Variants in ZC3HAV1L observed in about 807,000 individuals in gnomAD.
ZC3HAV1L encodes the protein zinc finger CCCH-type antiviral protein 1-like.
ZC3HAV1L carries 23 observed loss-of-function variants against 28.2 expected under a neutral mutation model. The ratio of observed to expected loss-of-function variants is 0.82; its 90% CI spans 0.59 to 1.16. The LOEUF is 1.16. Ranked by LOEUF, ZC3HAV1L falls within the 50% of genes most tolerant of loss-of-function variation. The pLI, the probability that ZC3HAV1L is intolerant of heterozygous loss-of-function variation, is 0.00. For missense variants in ZC3HAV1L, 376 were observed against 387.7 expected (o/e 0.97, Z 0.25); for synonymous variants, 180 against 163.4 (o/e 1.10, Z -0.78).
chr7:139,030,538 A>C (rs1264151209), intron 2 of ZC3HAV1L, among the ~76,000 whole-genome samples: 1 of 151,686 alleles, frequency 6.6e-6, no homozygotes, highest in African/African-American at 2.4e-5. Context: ...CCATTTCAAA[A>C]ATAAATAAGG....
At chr7:139,035,270 G>A in intron 1 of ZC3HAV1L, 12 of 985,436 alleles carry the variant, frequency 1.2e-5, no homozygotes, top group Non-Finnish European at 1.4e-5. Flanking sequence ...TCCGGCTAAA[G>A]GGTCCAGGGA....
Position 139,036,009 on chromosome 7 carries a change from C to A in ZC3HAV1L, c.9G>T (p.Glu3Asp), listed in dbSNP as rs755686766. The change falls in exon 1 of 5, where the codon GAG (glutamate) becomes GAT (aspartate). Residue 3 changes from glutamate (E) to aspartate (D), a missense_variant. Coordinates refer to ENST00000275766, the MANE Select transcript of ZC3HAV1L (RefSeq NM_080660.4). The stretch of plus-strand genomic sequence containing the variant: ...TGGTGAGGAAGGAGCACACTGTGGG[C>A]TCCGCCATGGTCGCTGGCGCGGGCC... MAEPTVCSFLTKV... is the reference protein window; with the variant it reads MADPTVCSFLTKV... 8 of 1,510,650 alleles carry A rather than the reference C, an allele frequency of 5.3e-6. No homozygotes were observed. Among genetic ancestry groups the A allele is most frequent in the African/African-American group, 1.4e-5 (1 of 69,182 alleles). 93.6% of individuals were successfully genotyped at this position (1,510,650 alleles called of 1,614,324 possible).
chr7:139,033,793 C>T (rs1207075688), intron 2 of ZC3HAV1L: 1 of 985,318 alleles, frequency 1.0e-6, no homozygotes, highest in Non-Finnish European at 1.2e-6. Context: ...CGGCACCACG[C>T]CTTCTCTCTG....
chr7:139,026,582 G>T, intron 4 of ZC3HAV1L, 22 bp from the exon 5 acceptor site: 1 of 1,611,184 alleles, frequency 6.2e-7, no homozygotes, highest in South Asian at 1.1e-5. Context: ...ATATTATTAT[G>T]ACCATTACAA....
At position 139,036,032 on chromosome 7, in the gene ZC3HAV1L, G is replaced by T. The variant is rs748538197; in HGVS notation, c.-15C>A. On this transcript the variant is annotated 5_prime_UTR_variant, in exon 1 of 5. Coordinates refer to ENST00000275766, the MANE Select transcript of ZC3HAV1L (RefSeq NM_080660.4). ...GGCTCCGCCATGGTCGCTGGCGCGG[G>T]CCCTGTGCGCGCGGCGCAGCGAGCC... The T allele has an allele frequency of 1.8e-4, 264 of 1,482,246 alleles. 1 individual carries two copies. The highest frequency in any genetic ancestry group is 4.4e-4 in the Middle Eastern group (2 of 4,514). 91.8% of individuals were successfully genotyped at this position (1,482,246 alleles called of 1,614,324 possible). A position where few individuals can be genotyped will look rare whatever the true frequency, so the allele number is the denominator to read the frequency against.
chr7:139,034,450 G>A (rs1025013347), intron 2 of ZC3HAV1L, 93 bp downstream of exon 2: 127 of 1,405,550 alleles, frequency 9.0e-5, no homozygotes, highest in Non-Finnish European at 1.2e-4. Context: ...TGCTTCGAAG[G>A]CAATTAAAAT....
intron 4 of ZC3HAV1L, 53 bp from the exon 5 acceptor site, chr7:139,026,613 A>T: frequency 6.2e-7 from 1 of 1,612,678 alleles, no homozygotes; most frequent in Admixed American, 1.7e-5. Flanking sequence ...AAATGAATGA[A>T]TGGTTACAAA....
chr7:139,033,862 C>T (rs2130637865), intron 2 of ZC3HAV1L: 1 of 985,456 alleles, frequency 1.0e-6, no homozygotes, highest in Non-Finnish European at 1.2e-6. Context: ...CCCTTCCTGC[C>T]AATAACCTGC....
chr7:139,031,228 G>C (rs553879081), intron 2 of ZC3HAV1L, among the ~76,000 whole-genome samples: 7 of 152,198 alleles, frequency 4.6e-5, no homozygotes, highest in African/African-American at 1.4e-4. Flanking sequence ...ATGGCAAATT[G>C]CTTGAGCCAA....
intron 3 of ZC3HAV1L, 37 bp from the exon 4 acceptor site, chr7:139,026,870 C>G: frequency 6.3e-7 from 1 of 1,583,630 alleles, no homozygotes; most frequent in Non-Finnish European, 8.6e-7. Context: ...CCTACGATAC[C>G]CCAAGTTTCA....
chr7:139,032,616 C>T (rs1815567691), intron 2 of ZC3HAV1L, among the ~76,000 whole-genome samples: 1 of 144,016 alleles, frequency 6.9e-6, no homozygotes, highest in Non-Finnish European at 1.5e-5. Context: ...GAGTGAGACT[C>T]CATCTCAAAA....
In ZC3HAV1L at chr7:139,028,632, T is replaced by C. The variant is rs909973684; in HGVS notation, c.760+70A>G. On this transcript the variant is annotated intron_variant, in intron 3 of 4. Transcript: ENST00000275766. Reference sequence around the variant, plus strand: ...AGACTCACTTTCATGTCACTGTTCTTACTTCTTCACAGTGAAGCATCGCAA... The same window carrying C: ...AGACTCACTTTCATGTCACTGTTCTCACTTCTTCACAGTGAAGCATCGCAA... 52 of 1,542,510 alleles carry C rather than the reference T, an allele frequency of 3.4e-5. No individual in the cohort carries two copies. In the Admixed American group the frequency reaches 6.9e-4, roughly 21 times the overall value.
rs1215942707 is a variant in ZC3HAV1L at position 139,035,936 on chromosome 7, C to T, written c.82G>A (p.Gly28Ser). 2.6e-6 allele frequency: 4 copies of T among 1,514,932 alleles called. No homozygotes were observed. The highest frequency in any genetic ancestry group is 3.5e-6 in the Non-Finnish European group (4 of 1,139,204). 93.8% of individuals were successfully genotyped at this position (1,514,932 alleles called of 1,614,324 possible). ...GGRMFLKDLR[G>S]HVELSEARLR... ...CTGGCCTCCGACAGCTCCACGTGGCCGCGCAGGTCCTTCAGGAACATGCGG... is the reference window on the plus strand; with the variant it reads ...CTGGCCTCCGACAGCTCCACGTGGCTGCGCAGGTCCTTCAGGAACATGCGG... Residue 28 changes from glycine (G) to serine (S), a missense_variant, in exon 1 of 5, where the codon GGC (glycine) becomes AGC (serine). Transcript: ENST00000275766.
rs750325837 is a variant in ZC3HAV1L, at chr7:139,036,003, T to C, written c.15A>G (p.Thr5=). The C allele has an allele frequency of 2.0e-6, 3 of 1,513,994 alleles. No homozygotes were observed. Among genetic ancestry groups the C allele is most frequent in the East Asian group, 2.7e-5 (1 of 37,074 alleles). The allele number at this position is 1,513,994 out of a possible 1,614,324, so 93.8% of individuals were successfully genotyped here. MAEP[T]VCSFLTKVLC... Reference sequence around the variant, plus strand: ...GCACCTTGGTGAGGAAGGAGCACACTGTGGGCTCCGCCATGGTCGCTGGCG... The same window carrying C: ...GCACCTTGGTGAGGAAGGAGCACACCGTGGGCTCCGCCATGGTCGCTGGCG... Residue 5 remains threonine (T), a synonymous_variant, in exon 1 of 5, where the codon ACA becomes ACG. Transcript: ENST00000275766.
chr7:139,024,349 TAA>T (rs1563112635), downstream of ZC3HAV1L, among the ~76,000 whole-genome samples: 1 of 152,048 alleles, frequency 6.6e-6, no homozygotes, highest in African/African-American at 2.4e-5. Flanking sequence ...AGCATAATGA[TAA>T]GATATAAAAA....
Position 139,036,011 on chromosome 7 carries a change from C to T in ZC3HAV1L, c.7G>A (p.Glu3Lys), listed in dbSNP as rs1214636665. The stretch of plus-strand genomic sequence containing the variant: ...GTGAGGAAGGAGCACACTGTGGGCT[C>T]CGCCATGGTCGCTGGCGCGGGCCCT... MA[E>K]PTVCSFLTKV... is the part of the protein sequence containing the mutation. Residue 3 changes from glutamate to lysine, a missense_variant, in exon 1 of 5, where the codon GAG becomes AAG. By Grantham distance (56) the Glu-to-Lys change is moderately conservative. Transcript: ENST00000275766. The T allele has an allele frequency of 6.6e-7, 1 of 1,507,126 alleles. No homozygotes were observed. The highest frequency in any genetic ancestry group is 8.8e-7 in the Non-Finnish European group (1 of 1,136,118). 93.4% of individuals were successfully genotyped at this position (1,507,126 alleles called of 1,614,324 possible).
intron 2 of ZC3HAV1L, 97 bp downstream of exon 2, chr7:139,034,446 G>A (rs977575798): frequency 1.4e-6 from 2 of 1,460,744 alleles, no homozygotes; most frequent in Admixed American, 2.1e-5. Flanking sequence ...ATGTTGCTTC[G>A]AAGGCAATTA....
In ZC3HAV1L at chr7:139,026,822, GTGA is replaced by G; in HGVS notation, c.769_771del (p.Ser257del). On this transcript the variant is annotated inframe_deletion, in exon 4 of 5. Transcript: ENST00000275766. ...AGGCCTTGTGAATGCTCAGTCGAAG[GTGA>G]TGAATTATCTACAAAGAGGAAAGGG... 6.2e-7 allele frequency: 1 copy of G among 1,612,192 alleles called. No individual in the cohort carries two copies. Among genetic ancestry groups the G allele is most frequent in the South Asian group, 1.1e-5 (1 of 90,672 alleles).
In ZC3HAV1L at chr7:139,026,241, G is replaced by T; in HGVS notation, c.*303C>A. On this transcript the variant is annotated 3_prime_UTR_variant, in exon 5 of 5. Coordinates refer to ENST00000275766, the MANE Select transcript of ZC3HAV1L (RefSeq NM_080660.4). ...ACGATGTGAACAAATATAGAAAGAT[G>T]CTTATGAGACAATATTAAGTGAAAA... 1 of 393,448 alleles carries T rather than the reference G, an allele frequency of 2.5e-6. No homozygotes were observed. Among genetic ancestry groups the T allele is most frequent in the Non-Finnish European group, 4.5e-6 (1 of 221,546 alleles). The allele number at this position is 393,448 out of a possible 1,614,324, so 24.4% of individuals were successfully genotyped here. A position where few individuals can be genotyped will look rare whatever the true frequency, so the allele number is the denominator to read the frequency against.
Sources: allele counts gnomAD v4.1 joint callset (sites outside exome capture counted in the v4.1 genomes callset), GRCh38; gene constraint gnomAD v4.1.1; transcripts MANE v1.5; gene names NCBI Gene and HGNC (gene_info 2026-07-23, HGNC 2026-07-21).